PIR: variants seen among roughly 807,000 people sequenced by gnomAD.
PIR encodes pirin (iron-binding nuclear protein).
Under a neutral mutation model 24.2 loss-of-function variants are expected in PIR, and 22 were observed. The observed-to-expected ratio is 0.91, with a 90% CI of 0.65 to 1.30. The LOEUF is 1.30. Among genes scored for constraint, PIR ranks in the 50% most tolerant of loss-of-function variants. The probability of loss-of-function intolerance (pLI) is 0.00; values close to 1 mark genes in which losing one functional copy is unlikely to be tolerated. For synonymous variants in PIR, 80 were observed against 79.6 expected (o/e 1.00, Z -0.03); for missense variants, 220 against 220.3 (o/e 1.00, Z 0.01).
chrX:15,433,688 AAGG>A (rs1408933303), intron 5 of PIR, among the ~76,000 whole-genome samples: 2 of 74,831 alleles, frequency 2.7e-5, no homozygotes, highest in Non-Finnish European at 5.2e-5. Context: ...AAGGAGAAAG[AAGG>A]AGGAGGAGGA....
At chrX:15,427,493 C>A (rs1390111732) in intron 5 of PIR, among the ~76,000 whole-genome samples, 2 of 110,806 alleles carry the variant, frequency 1.8e-5, no homozygotes, top group African/African-American at 6.6e-5. Flanking sequence ...ATGCAAGCTC[C>A]ATGAGGACAT....
chrX:15,484,279 G>T (rs1922669159), intron 2 of PIR, among the ~76,000 whole-genome samples: 1 of 106,850 alleles, frequency 9.4e-6, no homozygotes, highest in Non-Finnish European at 1.9e-5. Flanking sequence ...AAGAAAAGAG[G>T]AGAGCGGTAG....
chrX:15,443,645 A>T (rs1925994743), intron 5 of PIR, among the ~76,000 whole-genome samples: 1 of 111,953 alleles, frequency 8.9e-6, no homozygotes. Flanking sequence ...GGGCAAAGTA[A>T]GCTGAAAACC....
intron 2 of PIR, among the ~76,000 whole-genome samples, chrX:15,483,678 T>G (rs1304176665): frequency 1.8e-5 from 2 of 112,356 alleles, no homozygotes; most frequent in South Asian, 3.7e-4. Flanking sequence ...GAAGGAGAGG[T>G]TGAGAATTCT....
intron 1 of PIR, among the ~76,000 whole-genome samples, chrX:15,491,807 C>CTA (rs1292063642): frequency 2.7e-5 from 3 of 111,235 alleles, no homozygotes; most frequent in African/African-American, 9.8e-5. Flanking sequence ...GAACAATAGG[C>CTA]TATACCATAT....
At chrX:15,465,780 T>C (rs779708185) in intron 3 of PIR, among the ~76,000 whole-genome samples, 1 of 111,894 alleles carries the variant, frequency 8.9e-6, no homozygotes, top group Non-Finnish European at 1.9e-5. Flanking sequence ...ATGTGAAGTT[T>C]AGGAAAGGTG....
In PIR at chrX:15,447,239, T is replaced by C. The variant is rs531504163; in HGVS notation, c.480+8609A>G. Among the ~76,000 whole-genome samples, 36 of 112,368 alleles carry C rather than the reference T, an allele frequency of 3.2e-4. No individual in the cohort carries two copies. In the South Asian group the frequency reaches 0.012, roughly 39 times the overall value. On this transcript the variant is annotated intron_variant, in intron 5 of 9. Coordinates refer to ENST00000380420, the MANE Select transcript of PIR (RefSeq NM_001018109.3). ...GCTTTGGTCAAAATGAAGTACTGTG[T>C]TTGCAGCTATCAACAGCATAGCTTT...
chrX:15,428,083 A>C (rs1224988413), intron 5 of PIR, among the ~76,000 whole-genome samples: 1 of 111,461 alleles, frequency 9.0e-6, no homozygotes, highest in Admixed American at 9.6e-5. Context: ...AGACTTTTGC[A>C]TGGCTTAGAA....
At chrX:15,484,316 T>C (rs1486091420) in intron 2 of PIR, among the ~76,000 whole-genome samples, 1 of 92,123 alleles carries the variant, frequency 1.1e-5, no homozygotes, top group African/African-American at 3.9e-5. Context: ...CTTTTTTTTT[T>C]TTTTTTTTTT....
chrX:15,448,436 C>T, intron 5 of PIR, among the ~76,000 whole-genome samples: 1 of 112,158 alleles, frequency 8.9e-6, no homozygotes, highest in Non-Finnish European at 1.9e-5. Flanking sequence ...AGGCACGTCC[C>T]GTAGAATGAA....
intron 7 of PIR, among the ~76,000 whole-genome samples, chrX:15,399,518 G>A (rs939728173): frequency 2.7e-5 from 3 of 111,569 alleles, no homozygotes; most frequent in African/African-American, 9.8e-5. Context: ...GGGCATGGGT[G>A]GACTTTGATA....
intron 2 of PIR, among the ~76,000 whole-genome samples, chrX:15,487,054 C>A (rs781587732): frequency 7.7e-4 from 86 of 111,674 alleles, no homozygotes; most frequent in Middle Eastern, 4.6e-3. Context: ...ACACCTCAGG[C>A]TACCTTCTGG....
At chrX:15,476,773 A>T (rs1219477723) in intron 3 of PIR, among the ~76,000 whole-genome samples, 1 of 111,906 alleles carries the variant, frequency 8.9e-6, no homozygotes, top group Non-Finnish European at 1.9e-5. Flanking sequence ...ATCATAAAGC[A>T]TTATTTTTCA....
At chrX:15,427,243 G>A (rs191964772) in intron 5 of PIR, among the ~76,000 whole-genome samples, 167 of 111,149 alleles carry the variant, frequency 1.5e-3, no homozygotes, top group Middle Eastern at 4.6e-3. Flanking sequence ...ATTTTAAAGG[G>A]GCTTCTGGGG....
At chrX:15,398,134 T>A (rs777302011) in intron 7 of PIR, among the ~76,000 whole-genome samples, 118 of 110,705 alleles carry the variant, frequency 1.1e-3, no homozygotes, top group Non-Finnish European at 1.9e-3. Flanking sequence ...CATTAGGAGA[T>A]ATACCTAATG....
chrX:15,475,648 T>A (rs1031094944), intron 3 of PIR, among the ~76,000 whole-genome samples: 1 of 112,357 alleles, frequency 8.9e-6, no homozygotes, highest in African/African-American at 3.2e-5. Context: ...ACCTCCTTTT[T>A]CGAGCTAAAC....
At position 15,390,205 on chromosome X, in the gene PIR, C is replaced by T; in HGVS notation, c.740G>A (p.Arg247Lys). Reference sequence around the variant, plus strand: ...CTTACCATGTTGGATAACTGGTTCTCTTAATGGCTCCCCAGCAATTAAGAC... The same window carrying T: ...CTTACCATGTTGGATAACTGGTTCTTTTAATGGCTCCCCAGCAATTAAGAC... ...HFVLIAGEPL[R>K]EPVIQHGPFV... The change falls in exon 9 of 10, where the codon AGA becomes AAA. Residue 247 changes from arginine to lysine, a missense_variant. Arg to Lys is a conservative substitution (Grantham distance 26). Coordinates refer to ENST00000380420, the MANE Select transcript of PIR (RefSeq NM_001018109.3). 1 of 1,149,644 alleles carries T rather than the reference C, an allele frequency of 8.7e-7. No homozygotes were observed. Among genetic ancestry groups the T allele is most frequent in the South Asian group, 2.0e-5 (1 of 48,861 alleles). The allele number at this position is 1,149,644 out of a possible 1,213,427, so 94.7% of individuals were successfully genotyped here.
At chrX:15,453,447 C>G (rs1179444907) in intron 5 of PIR, among the ~76,000 whole-genome samples, 1 of 112,035 alleles carries the variant, frequency 8.9e-6, no homozygotes, top group East Asian at 2.8e-4. Flanking sequence ...GGCCACACAG[C>G]TATTTCATGG....
At chrX:15,432,293 A>T (rs1338879994) in intron 5 of PIR, among the ~76,000 whole-genome samples, 4 of 112,200 alleles carry the variant, frequency 3.6e-5, no homozygotes, top group African/African-American at 1.3e-4. Flanking sequence ...GTTCTGCTCA[A>T]CCCTTGTGAA....
Sources: allele counts gnomAD v4.1 joint callset (sites outside exome capture counted in the v4.1 genomes callset), GRCh38; gene constraint gnomAD v4.1.1; transcripts MANE v1.5; gene names NCBI Gene and HGNC (gene_info 2026-07-23, HGNC 2026-07-21).